Variants in RBM19 observed in about 807,000 individuals in gnomAD.
The protein encoded by RBM19 is probable RNA-binding protein 19.
RBM19 carries 94 observed loss-of-function variants against 116.8 expected under a neutral mutation model. The ratio of observed to expected loss-of-function variants is 0.80; its 90% confidence interval spans 0.68 to 0.95. The LOEUF (loss-of-function observed/expected upper bound fraction) is 0.95, where lower values mean the gene tolerates loss of function less well. Ranked by LOEUF, RBM19 falls within the 40% of genes least tolerant of loss-of-function variation. The probability of loss-of-function intolerance (pLI) is 0.00; values close to 1 mark genes in which losing one functional copy is unlikely to be tolerated. For synonymous variants in RBM19, 475 were observed against 494.1 expected (o/e 0.96, Z 0.51); for missense variants, 1,161 against 1,220.7 (o/e 0.95, Z 0.73).
chr12:113,922,676 T>C (rs1452941836), intron 18 of RBM19, among the ~76,000 whole-genome samples: 3 of 151,910 alleles, frequency 2.0e-5, no homozygotes, highest in Non-Finnish European at 4.4e-5. Context: ...ACTTGGTACT[T>C]AGCTGCCTTT....
At position 113,960,073 on chromosome 12, in the gene RBM19, G is replaced by T; in HGVS notation, c.325C>A (p.Pro109Thr). Residue 109 changes from proline to threonine, a missense_variant, in exon 3 of 24, where the codon CCA becomes ACA. Coordinates refer to ENST00000261741, the MANE Select transcript of RBM19 (RefSeq NM_016196.4). ...PKQPPKDSTT[P>T]EIKKDEKKKK... ...CCTTTACATACTTTCTTAATTTCTGGAGTAGTAGAGTCTTTTGGAGGCTGC... is the reference window on the plus strand; with the variant it reads ...CCTTTACATACTTTCTTAATTTCTGTAGTAGTAGAGTCTTTTGGAGGCTGC... 2 of 1,614,200 alleles carry T rather than the reference G, an allele frequency of 1.2e-6. No homozygotes were observed. Among genetic ancestry groups the T allele is most frequent in the Non-Finnish European group, 1.7e-6 (2 of 1,180,046 alleles).
In RBM19 at chr12:113,822,542, G is replaced by C. The variant is rs1874495446; in HGVS notation, c.*682C>G. ...GAGGCTTCCCTGGGTGACTGAACCA[G>C]GGCTCGTGGTCCCAAGTGACGAGGA... On this transcript the variant is annotated 3_prime_UTR_variant, in exon 24 of 24. Transcript: ENST00000261741. 1 of 152,156 alleles carries C rather than the reference G, an allele frequency of 6.6e-6. No individual in the cohort carries two copies. Among genetic ancestry groups the C allele is most frequent in the Non-Finnish European group, 1.5e-5 (1 of 68,052 alleles). The allele number at this position is 152,156 out of a possible 1,614,324, so 9.4% of individuals were successfully genotyped here.
At chr12:113,831,535 A>T (rs1239235020) in intron 23 of RBM19, among the ~76,000 whole-genome samples, 1 of 152,120 alleles carries the variant, frequency 6.6e-6, no homozygotes, top group Non-Finnish European at 1.5e-5. Context: ...TCGCTCTGAA[A>T]TTCTCCTTCT....
intron 21 of RBM19, among the ~76,000 whole-genome samples, chr12:113,861,127 G>T (rs1291829206): frequency 6.6e-6 from 1 of 152,232 alleles, no homozygotes; most frequent in Non-Finnish European, 1.5e-5. Context: ...AGGCATGTCT[G>T]ACGTTAAGCC....
chr12:113,874,724 G>T (rs1466837181), intron 21 of RBM19, among the ~76,000 whole-genome samples: 1 of 152,212 alleles, frequency 6.6e-6, no homozygotes, highest in East Asian at 1.9e-4. Context: ...GGCTTCTGAA[G>T]AGCTAGCATT....
chr12:113,908,038 T>G (rs1882186663), intron 21 of RBM19, among the ~76,000 whole-genome samples: 1 of 152,150 alleles, frequency 6.6e-6, no homozygotes, highest in African/African-American at 2.4e-5. Context: ...GGGGTCAGCC[T>G]CATCCTCCTC....
chr12:113,943,524 A>T lies in RBM19; in HGVS notation c.1627-1090T>A, dbSNP rs139197215. Among the ~76,000 whole-genome samples the T allele has an allele frequency of 9.7e-4, 147 of 152,304 alleles. 1 individual carries two copies. Among genetic ancestry groups the T allele is most frequent in the Admixed American group, 2.7e-3 (42 of 15,298 alleles). On this transcript the variant is annotated intron_variant, in intron 13 of 23. Coordinates refer to ENST00000261741, the MANE Select transcript of RBM19 (RefSeq NM_016196.4). ...TTTTTTTAACATTGTGCATATGTTG[A>T]AATGATAATATTTTGGACAGCCCAG... is the stretch of plus-strand genomic sequence containing the variant.
chr12:113,863,710 C>T (rs1445173604), intron 21 of RBM19, among the ~76,000 whole-genome samples: 1 of 152,210 alleles, frequency 6.6e-6, no homozygotes, highest in African/African-American at 2.4e-5. Context: ...AGAAAGTCTG[C>T]TGCCACCTAA....
At chr12:113,919,527 C>T (rs965298599) in intron 19 of RBM19, among the ~76,000 whole-genome samples, 3 of 152,174 alleles carry the variant, frequency 2.0e-5, no homozygotes, top group Non-Finnish European at 1.5e-5. Flanking sequence ...GCCGAGATCG[C>T]GCCACTGCAC....
chr12:113,891,123 A>G (rs1438542625), intron 21 of RBM19, among the ~76,000 whole-genome samples: 1 of 152,114 alleles, frequency 6.6e-6, no homozygotes, highest in Non-Finnish European at 1.5e-5. Flanking sequence ...ATTTAGGTGG[A>G]AACAACCCAT....
intron 16 of RBM19, among the ~76,000 whole-genome samples, chr12:113,929,702 G>A (rs975626517): frequency 6.6e-6 from 1 of 152,208 alleles, no homozygotes; most frequent in Admixed American, 6.5e-5. Context: ...GAGATTAAAG[G>A]AGAAAGGAAA....
chr12:113,887,634 C>CAAAAAAAAAAAAAAA (rs35665613), intron 21 of RBM19, among the ~76,000 whole-genome samples: 2 of 71,072 alleles, frequency 2.8e-5, no homozygotes, highest in Non-Finnish European at 4.9e-5. Context: ...GACTCCATCT[C>CAAAAAAAAAAAAAAA]AAAAAAAAAA....
intron 17 of RBM19, among the ~76,000 whole-genome samples, chr12:113,925,781 C>A (rs2135875897): frequency 6.6e-6 from 1 of 152,332 alleles, no homozygotes; most frequent in South Asian, 2.1e-4. Flanking sequence ...TGCTCTTGGG[C>A]TGCTGTTTGA....
intron 23 of RBM19, among the ~76,000 whole-genome samples, chr12:113,843,133 G>A (rs1477752559): frequency 6.6e-6 from 1 of 152,228 alleles, no homozygotes; most frequent in Non-Finnish European, 1.5e-5. Context: ...CCCACTGGAA[G>A]GCTCCTATCT....
intron 22 of RBM19, among the ~76,000 whole-genome samples, chr12:113,852,987 TC>T (rs1236490750): frequency 3.9e-5 from 6 of 152,236 alleles, no homozygotes; most frequent in African/African-American, 1.2e-4. Flanking sequence ...AGGAAGGCTG[TC>T]CCGGCCTTAA....
intron 21 of RBM19, among the ~76,000 whole-genome samples, chr12:113,912,886 G>A (rs899744608): frequency 1.3e-5 from 2 of 152,138 alleles, no homozygotes; most frequent in Admixed American, 6.5e-5. Flanking sequence ...GGCTCACAGC[G>A]ACCCCTGCTG....
chr12:113,957,808 T>C lies in RBM19; in HGVS notation c.814A>G (p.Lys272Glu). 2 of 1,604,652 alleles carry C rather than the reference T, an allele frequency of 1.2e-6. No homozygotes were observed. ...TCGGCTCTGGCCTCCGGTGGTCTCT[T>C]TTTCCCAGCTGGCATCCCTTGCTCT... ...GQEQGMPAGK[K>E]RPPEARAETE... The change falls in exon 6 of 24, where the codon AAG (lysine) becomes GAG (glutamate). Residue 272 changes from lysine (K) to glutamate (E), a missense_variant. Transcript: ENST00000261741.
intron 8 of RBM19, 125 bp from the exon 9 acceptor site, chr12:113,950,279 T>A (rs1871360952): frequency 1.4e-6 from 1 of 738,514 alleles, no homozygotes; most frequent in Non-Finnish European, 2.2e-6. Context: ...CTTGGTCAGA[T>A]CTCCAAAATA....
At chr12:113,874,371 G>A (rs1447423422) in intron 21 of RBM19, among the ~76,000 whole-genome samples, 1 of 152,218 alleles carries the variant, frequency 6.6e-6, no homozygotes, top group African/African-American at 2.4e-5. Flanking sequence ...ATAAGAAACG[G>A]GGAGTGGGAG....
Sources: allele counts gnomAD v4.1 joint callset (sites outside exome capture counted in the v4.1 genomes callset), GRCh38; gene constraint gnomAD v4.1.1; transcripts MANE v1.5; gene names NCBI Gene and HGNC (gene_info 2026-07-23, HGNC 2026-07-21).